CMTM7: variants seen among roughly 807,000 people sequenced by gnomAD.
The protein encoded by CMTM7 is CKLF like MARVEL transmembrane domain containing 7.
In CMTM7, 7 loss-of-function variants were observed where a neutral mutation model predicts 19.3. The ratio of observed to expected loss-of-function variants is 0.36; its 90% confidence interval spans 0.21 to 0.68. The LOEUF (loss-of-function observed/expected upper bound fraction) is 0.68. CMTM7 is among the 30% of genes least tolerant of loss of function. The pLI is 0.60. For synonymous variants in CMTM7, 87 were observed against 99.3 expected (o/e 0.88, Z 0.74); for missense variants, 193 against 232.6 (o/e 0.83, Z 1.11).
intron 1 of CMTM7, among the ~76,000 whole-genome samples, chr3:32,432,835 G>A (rs1050701774): frequency 2.0e-5 from 3 of 152,030 alleles, no homozygotes; most frequent in Admixed American, 6.6e-5. Flanking sequence ...TTCTCTTTGG[G>A]GTTCAACCCT....
intron 1 of CMTM7, among the ~76,000 whole-genome samples, chr3:32,406,823 A>C (rs1196520490): frequency 6.6e-6 from 1 of 152,204 alleles, no homozygotes; most frequent in Non-Finnish European, 1.5e-5. Context: ...AACACTGGAG[A>C]GTGAACTGCA....
At chr3:32,416,538 C>T (rs994883368) in intron 1 of CMTM7, among the ~76,000 whole-genome samples, 1 of 142,712 alleles carries the variant, frequency 7.0e-6, no homozygotes, top group African/African-American at 2.6e-5. Context: ...CTACAGGCGC[C>T]CGCCACCGCG....
At chr3:32,441,101 C>A (rs1696669526) in intron 1 of CMTM7, among the ~76,000 whole-genome samples, 1 of 152,224 alleles carries the variant, frequency 6.6e-6, no homozygotes, top group African/African-American at 2.4e-5. Context: ...AACCCGTCCA[C>A]CTTTCTCGGC....
chr3:32,408,925 C>T (rs900729379), intron 1 of CMTM7, among the ~76,000 whole-genome samples: 6 of 151,874 alleles, frequency 4.0e-5, no homozygotes, highest in Admixed American at 3.3e-4. Flanking sequence ...GCTCTGTCGC[C>T]AGGCTGGAGT....
intron 3 of CMTM7, among the ~76,000 whole-genome samples, chr3:32,450,577 G>A (rs964914305): frequency 6.6e-6 from 1 of 152,054 alleles, no homozygotes; most frequent in African/African-American, 2.4e-5. Context: ...CACTGTAGAG[G>A]GTGGCCAAAC....
intron 2 of CMTM7, among the ~76,000 whole-genome samples, chr3:32,444,773 C>A (rs187912929): frequency 2.8e-4 from 42 of 152,036 alleles, no homozygotes; most frequent in Non-Finnish European, 3.4e-4. Flanking sequence ...TTGTTTGAAA[C>A]AGGTTCTTGC....
At chr3:32,442,197 A>T (rs1696688283) in intron 2 of CMTM7, among the ~76,000 whole-genome samples, 184 bp downstream of exon 2, 1 of 151,448 alleles carries the variant, frequency 6.6e-6, no homozygotes, top group African/African-American at 2.4e-5. Context: ...GGTTTTTAAA[A>T]CTCACTTTCC....
intron 1 of CMTM7, among the ~76,000 whole-genome samples, chr3:32,426,758 C>T (rs971330222): frequency 2.0e-5 from 3 of 152,028 alleles, no homozygotes; most frequent in Non-Finnish European, 4.4e-5. Flanking sequence ...AAATCTTGGC[C>T]GATATGCATG....
intron 1 of CMTM7, among the ~76,000 whole-genome samples, chr3:32,423,191 T>G (rs1029227687): frequency 1.3e-5 from 2 of 152,154 alleles, no homozygotes; most frequent in Admixed American, 1.3e-4. Context: ...GTGCCTCTCA[T>G]CCTTCTGAGG....
At chr3:32,452,582 AG>A in intron 4 of CMTM7, 109 bp downstream of exon 4, 1 of 1,128,372 alleles carries the variant, frequency 8.9e-7, no homozygotes, top group Non-Finnish European at 1.3e-6. Context: ...CTGTGTTCCA[AG>A]GGGACTTTAG....
Position 32,454,482 on chromosome 3 carries a change from G to A in CMTM7, c.*228G>A, listed in dbSNP as rs1447386584. On this transcript the variant is annotated 3_prime_UTR_variant, in exon 5 of 5. Transcript: ENST00000334983. Reference sequence around the variant, plus strand: ...CGGGGAGAACATCCCTCCCATTCTGGGAAAGGAAAGCAGCCTCCAGGGAAA... The same window carrying A: ...CGGGGAGAACATCCCTCCCATTCTGAGAAAGGAAAGCAGCCTCCAGGGAAA... 2.9e-6 allele frequency: 2 copies of A among 701,138 alleles called. No homozygotes were observed. The highest frequency in any genetic ancestry group is 5.2e-6 in the Non-Finnish European group (2 of 385,060). 43.4% of individuals were successfully genotyped at this position (701,138 alleles called of 1,614,324 possible).
At chr3:32,452,186 C>T in intron 3 of CMTM7, 1 of 1,508,896 alleles carries the variant, frequency 6.6e-7, no homozygotes, top group Non-Finnish European at 8.8e-7. Context: ...CTGGCCCAAC[C>T]TGGAGGACTG....
chr3:32,411,306 CTT>C (rs2125625302), intron 1 of CMTM7, among the ~76,000 whole-genome samples: 1 of 152,214 alleles, frequency 6.6e-6, no homozygotes, highest in African/African-American at 2.4e-5. Flanking sequence ...TGAAAGAACT[CTT>C]TTAGATTTAA....
intron 4 of CMTM7, among the ~76,000 whole-genome samples, chr3:32,452,899 C>T (rs926808496): frequency 7.0e-6 from 1 of 142,334 alleles, no homozygotes; most frequent in Non-Finnish European, 1.5e-5. Context: ...TACAGGTGTG[C>T]ACCACCATGC....
rs11927747 is a variant in CMTM7, at chr3:32,401,177, A to G, written c.159+9112A>G. ...AATGCTTTTAAATGCTCTTGTATTT[A>G]AGTGATGGCCACAGTATCTGCATAT... On this transcript the variant is annotated intron_variant, in intron 1 of 4. Transcript: ENST00000334983. Among the ~76,000 whole-genome samples, 1,187 of 152,358 alleles carry G rather than the reference A, an allele frequency of 7.8e-3. 15 individuals are homozygous for G. The highest frequency in any genetic ancestry group is 0.027 in the African/African-American group (1,140 of 41,582).
chr3:32,414,863 T>C (rs669910), intron 1 of CMTM7, among the ~76,000 whole-genome samples: 63,794 of 151,934 alleles, frequency 0.42, 13,675 homozygotes, highest in South Asian at 0.48. Context: ...ATTTGTCACC[T>C]CCACTTTCCA....
chr3:32,392,841 G>C (rs1449063344), intron 1 of CMTM7, among the ~76,000 whole-genome samples: 1 of 152,176 alleles, frequency 6.6e-6, no homozygotes, highest in Non-Finnish European at 1.5e-5. Flanking sequence ...CTCCTACCAG[G>C]GCAGACGTTG....
intron 1 of CMTM7, among the ~76,000 whole-genome samples, chr3:32,424,475 G>T (rs143911624): frequency 6.6e-6 from 1 of 152,128 alleles, no homozygotes; most frequent in Non-Finnish European, 1.5e-5. Context: ...TAGAAGTATC[G>T]CTGTGGCCAT....
chr3:32,443,274 T>G (rs562828969), intron 2 of CMTM7, among the ~76,000 whole-genome samples: 32 of 141,900 alleles, frequency 2.3e-4, no homozygotes, highest in African/African-American at 7.5e-4. Flanking sequence ...AATTTTTGTG[T>G]TTTTTTTTTT....
Sources: gnomAD v4.1 joint callset for allele counts (sites outside exome capture counted in the v4.1 genomes callset) on GRCh38, gnomAD v4.1.1 for gene constraint, MANE v1.5 for transcripts, NCBI Gene and HGNC (gene_info 2026-07-23, HGNC 2026-07-21) for gene names.